KANSL2: variants seen among roughly 807,000 people sequenced by gnomAD.
The protein encoded by KANSL2 is NSL complex protein NSL2.
In KANSL2, 34 loss-of-function variants were observed where a neutral mutation model predicts 55.6. The observed-to-expected ratio is 0.61, with a 90% confidence interval of 0.46 to 0.81. The LOEUF (loss-of-function observed/expected upper bound fraction) is 0.81, where lower values mean the gene tolerates loss of function less well. KANSL2 is among the 40% of genes least tolerant of loss of function. The pLI, the probability that KANSL2 is intolerant of heterozygous loss-of-function variation, is 0.00. For missense variants in KANSL2, 502 were observed against 609.9 expected (o/e 0.82, Z 1.86); for synonymous variants, 209 against 214.3 (o/e 0.98, Z 0.22).
chr12:48,679,164 G>A lies in KANSL2; in HGVS notation c.431-14C>T. On this transcript the variant is annotated splice_polypyrimidine_tract_variant and intron_variant, in intron 3 of 9. Transcript: ENST00000420613. ...AGCTGTCTTCATCTGAGGCAAGGAA[G>A]GGAGAGCAGCCATTAAGACTTCCCA... 6.3e-7 allele frequency: 1 copy of A among 1,582,112 alleles called. No individual in the cohort carries two copies. Among genetic ancestry groups the A allele is most frequent in the Non-Finnish European group, 8.7e-7 (1 of 1,152,404 alleles).
rs143705102 is a variant in KANSL2 at position 48,657,121 on chromosome 12, G to A, written c.1228-2061C>T. Among the ~76,000 whole-genome samples, 25 of 152,204 alleles carry A rather than the reference G, an allele frequency of 1.6e-4. No individual in the cohort carries two copies. In the East Asian group the frequency reaches 3.9e-3, roughly 24 times the overall value. On this transcript the variant is annotated intron_variant, in intron 8 of 9. Coordinates refer to ENST00000420613, the MANE Select transcript of KANSL2 (RefSeq NM_017822.4). ...GCTCAGGCCGGGTGCAGTGGCTCAC[G>A]CCTGCAATCCTAACACTTTGGGAGG...
intron 4 of KANSL2, among the ~76,000 whole-genome samples, chr12:48,678,112 T>G (rs2084098065): frequency 6.6e-6 from 1 of 152,104 alleles, no homozygotes; most frequent in African/African-American, 2.4e-5. Context: ...ATGAAGAAAA[T>G]GCTATTGCAA....
intron 4 of KANSL2, among the ~76,000 whole-genome samples, chr12:48,672,830 C>A (rs1939752021): frequency 6.6e-6 from 1 of 152,154 alleles, no homozygotes; most frequent in South Asian, 2.1e-4. Context: ...ACAACCTTGG[C>A]TCACTGCAAC....
In KANSL2 at chr12:48,681,383, C is replaced by G; in HGVS notation, c.250G>C (p.Gly84Arg). The part of the protein sequence containing the change: ...NAAPKPEKKD[G>R]VSFCAEHVRR... ...ACATATATATCTATACATATATACC[C>G]ATCTTTCTTCTCTGGCTTTGGGGCA... The change falls in exon 2 of 10, where the codon GGG becomes CGG. Residue 84 changes from glycine (G) to arginine (R), a missense_variant and splice_region_variant. Transcript: ENST00000420613. 3 of 1,611,380 alleles carry G rather than the reference C, an allele frequency of 1.9e-6. No individual in the cohort carries two copies. Among genetic ancestry groups the G allele is most frequent in the African/African-American group, 1.3e-5 (1 of 74,930 alleles).
chr12:48,678,375 T>C (rs1244848885), intron 4 of KANSL2, among the ~76,000 whole-genome samples: 2 of 152,174 alleles, frequency 1.3e-5, no homozygotes, highest in African/African-American at 4.8e-5. Flanking sequence ...GATTAAGATA[T>C]AATCACTTTT....
At chr12:48,680,869 T>C (rs985733141) in intron 2 of KANSL2, among the ~76,000 whole-genome samples, 3 of 151,646 alleles carry the variant, frequency 2.0e-5, no homozygotes, top group Non-Finnish European at 2.9e-5. Flanking sequence ...TCCCAACTAC[T>C]TAGGAGGCAG....
At chr12:48,661,419 A>G (rs1939486080) in intron 7 of KANSL2, among the ~76,000 whole-genome samples, 1 of 152,238 alleles carries the variant, frequency 6.6e-6, no homozygotes, top group Non-Finnish European at 1.5e-5. Flanking sequence ...GATTAGATAC[A>G]ATAAAATTCA....
At chr12:48,662,775 A>AATAAGC in intron 7 of KANSL2, 1 of 518,424 alleles carries the variant, frequency 1.9e-6, no homozygotes, top group South Asian at 2.8e-5. Context: ...ATTTTGCTTT[A>AATAAGC]TATTTATATT....
intron 8 of KANSL2, chr12:48,656,532 A>G (rs1315813424): frequency 1.5e-5 from 5 of 334,736 alleles, no homozygotes; most frequent in South Asian, 7.0e-5. Context: ...TCAGCCTCCC[A>G]AAGTGCTGGG....
intron 7 of KANSL2, among the ~76,000 whole-genome samples, chr12:48,663,791 T>C (rs1939532881): frequency 6.6e-6 from 1 of 152,132 alleles, no homozygotes; most frequent in Non-Finnish European, 1.5e-5. Flanking sequence ...GCAGTTAAAT[T>C]TTGGGAGAAT....
chr12:48,659,028 T>A (rs180913673), intron 8 of KANSL2, among the ~76,000 whole-genome samples: 114 of 152,294 alleles, frequency 7.5e-4, no homozygotes, highest in Middle Eastern at 3.4e-3. Flanking sequence ...GAATGGTGAA[T>A]CATGCCTATA....
At chr12:48,672,379 A>G (rs1039095757) in intron 4 of KANSL2, among the ~76,000 whole-genome samples, 2 of 144,058 alleles carry the variant, frequency 1.4e-5, no homozygotes, top group African/African-American at 5.1e-5. Context: ...ATATATACGT[A>G]TATATATATA....
chr12:48,675,405 A>C (rs1371167128), intron 4 of KANSL2, among the ~76,000 whole-genome samples: 1 of 152,230 alleles, frequency 6.6e-6, no homozygotes, highest in Non-Finnish European at 1.5e-5. Flanking sequence ...AGTCCGTCTC[A>C]AAAATAAATA....
chr12:48,681,934 A>ACGCCGCCTCCC (rs1939936055), intron 1 of KANSL2: 1 of 703,116 alleles, frequency 1.4e-6, no homozygotes, highest in South Asian at 1.5e-5. Flanking sequence ...CGCGGCGGCC[A>ACGCCGCCTCCC]CGCCGCCTCC....
intron 4 of KANSL2, among the ~76,000 whole-genome samples, chr12:48,675,339 A>C (rs927156953): frequency 6.6e-6 from 1 of 151,862 alleles, no homozygotes; most frequent in Admixed American, 6.6e-5. Context: ...CCAGGAGGCA[A>C]AGGTTGCAGT....
chr12:48,653,550 C>A lies in KANSL2; in HGVS notation c.*494G>T, dbSNP rs1713721178. The A allele has an allele frequency of 6.5e-6, 1 of 152,852 alleles. No individual in the cohort carries two copies. The highest frequency in any genetic ancestry group is 1.5e-5 in the Non-Finnish European group (1 of 68,250). The allele number at this position is 152,852 out of a possible 1,614,324, so 9.5% of individuals were successfully genotyped here. A position where few individuals can be genotyped will look rare whatever the true frequency, so the allele number is the denominator to read the frequency against. On this transcript the variant is annotated 3_prime_UTR_variant, in exon 10 of 10. Coordinates refer to ENST00000420613, the MANE Select transcript of KANSL2 (RefSeq NM_017822.4). The stretch of plus-strand genomic sequence containing the variant: ...TTAAAAGCAAGACGGATAAGGAGGA[C>A]CCAGTCCTGTGGGCTGTTTTCTCAG...
chr12:48,672,423 A>ATATATG (rs1555155454), intron 4 of KANSL2, among the ~76,000 whole-genome samples: 2 of 112,690 alleles, frequency 1.8e-5, no homozygotes, highest in East Asian at 4.3e-4. Context: ...ATATATATAT[A>ATATATG]TATATATATA....
At chr12:48,672,738 T>C (rs1348752786) in intron 4 of KANSL2, among the ~76,000 whole-genome samples, 1 of 151,650 alleles carries the variant, frequency 6.6e-6, no homozygotes, top group Non-Finnish European at 1.5e-5. Context: ...ATATTTTAAT[T>C]AAAGCACTAA....
At chr12:48,663,376 A>T (rs1186617119) in intron 7 of KANSL2, among the ~76,000 whole-genome samples, 2 of 152,344 alleles carry the variant, frequency 1.3e-5, no homozygotes, top group East Asian at 3.9e-4. Context: ...CATTTTTGAA[A>T]AATTGTATAT....
Sources: allele counts gnomAD v4.1 joint callset (sites outside exome capture counted in the v4.1 genomes callset), GRCh38; gene constraint gnomAD v4.1.1; transcripts MANE v1.5; gene names NCBI Gene and HGNC (gene_info 2026-07-23, HGNC 2026-07-21).